ABTB3: variants seen among roughly 807,000 people sequenced by gnomAD.
ABTB3 encodes the protein ankyrin repeat and BTB domain containing 3.
the ABTB3 span, among the ~76,000 whole-genome samples, chr12:107,512,041 G>T: frequency 2.8e-4 from 43 of 152,234 alleles, no homozygotes; most frequent in South Asian, 4.2e-3. Flanking sequence ...AAGCCCAGAG[G>T]TTTTCGCTTA....
the ABTB3 span, among the ~76,000 whole-genome samples, chr12:107,597,601 TTCAA>T: frequency 1.3e-5 from 2 of 152,186 alleles, no homozygotes; most frequent in Non-Finnish European, 2.9e-5. Flanking sequence ...GCAATTAAAT[TTCAA>T]TTAGTTTTGG....
At chr12:107,487,847 T>C in the ABTB3 span, among the ~76,000 whole-genome samples, 8 of 152,042 alleles carry the variant, frequency 5.3e-5, no homozygotes, top group African/African-American at 1.7e-4. Flanking sequence ...TTGATCACCA[T>C]CAACTGAGTA....
At chr12:107,502,974 G>T in the ABTB3 span, among the ~76,000 whole-genome samples, 1 of 152,134 alleles carries the variant, frequency 6.6e-6, no homozygotes, top group Non-Finnish European at 1.5e-5. Flanking sequence ...GTACAGTAAG[G>T]CCAATGGATC....
chr12:107,640,726 C>A, the ABTB3 span, among the ~76,000 whole-genome samples: 1 of 152,220 alleles, frequency 6.6e-6, no homozygotes, highest in Non-Finnish European at 1.5e-5. Flanking sequence ...TTGAGACAGC[C>A]ACTCTCCAAA....
chr12:107,394,298 C>A, the ABTB3 span, among the ~76,000 whole-genome samples: 4 of 152,184 alleles, frequency 2.6e-5, no homozygotes, highest in African/African-American at 9.7e-5. Flanking sequence ...GAGAGAGTTC[C>A]TGAGTCAAAC....
the ABTB3 span, among the ~76,000 whole-genome samples, chr12:107,446,713 A>G: frequency 1.3e-5 from 2 of 152,132 alleles, no homozygotes; most frequent in Non-Finnish European, 2.9e-5. Context: ...GAAAAGAATC[A>G]TTACAGTGGA....
the ABTB3 span, among the ~76,000 whole-genome samples, chr12:107,652,716 C>T: frequency 6.6e-6 from 1 of 152,064 alleles, no homozygotes; most frequent in Non-Finnish European, 1.5e-5. Flanking sequence ...CCAGTCTTCA[C>T]TCCAGTTTTC....
the ABTB3 span, among the ~76,000 whole-genome samples, chr12:107,327,535 C>T: frequency 2.0e-5 from 3 of 152,228 alleles, no homozygotes; most frequent in Non-Finnish European, 4.4e-5. Context: ...CAGCCAGGAA[C>T]AGTTAGCAAA....
chr12:107,657,829 G>T, the ABTB3 span: 1 of 1,103,004 alleles, frequency 9.1e-7, no homozygotes, highest in Non-Finnish European at 1.3e-6. Flanking sequence ...CTGGGCCAAG[G>T]AGCTGCCTCT....
chr12:107,365,259 T>C, the ABTB3 span, among the ~76,000 whole-genome samples: 10 of 152,208 alleles, frequency 6.6e-5, no homozygotes, highest in Admixed American at 2.0e-4. Flanking sequence ...TGAGTGTTCA[T>C]GGATAGTAAT....
At chr12:107,412,835 C>T in the ABTB3 span, among the ~76,000 whole-genome samples, 1 of 152,042 alleles carries the variant, frequency 6.6e-6, no homozygotes. Flanking sequence ...CATTTGATAG[C>T]CCCCAAACTC....
the ABTB3 span, among the ~76,000 whole-genome samples, chr12:107,377,633 GTT>G: frequency 2.0e-5 from 3 of 152,126 alleles, no homozygotes; most frequent in Non-Finnish European, 2.9e-5. Context: ...GAGTTGTGAT[GTT>G]TTCTGGTTAG....
chr12:107,360,930 ATTTTTTTTT>A, the ABTB3 span, among the ~76,000 whole-genome samples: 1 of 84,436 alleles, frequency 1.2e-5, no homozygotes, highest in African/African-American at 5.1e-5. Context: ...ATTTAATTTA[ATTTTTTTTT>A]TTTTTTTTTT....
At chr12:107,618,055 TCCCAAGCTAGTGGTC>T in the ABTB3 span, 1 of 1,093,906 alleles carries the variant, frequency 9.1e-7, no homozygotes, top group Non-Finnish European at 1.3e-6. Flanking sequence ...TCATCACCCC[TCCCAAGCTAGTGGTC>T]CCCTGCTTCC....
the ABTB3 span, among the ~76,000 whole-genome samples, chr12:107,405,717 G>A: frequency 1.3e-5 from 2 of 152,222 alleles, no homozygotes; most frequent in Non-Finnish European, 2.9e-5. Context: ...ACAGACACAT[G>A]GCCTGGCATG....
chr12:107,331,926 C>T, the ABTB3 span, among the ~76,000 whole-genome samples: 94,381 of 152,132 alleles, frequency 0.62, 29,526 homozygotes, highest in East Asian at 0.84. Flanking sequence ...CCGCTGGCTG[C>T]TCTCGCTGAT....
the ABTB3 span, among the ~76,000 whole-genome samples, chr12:107,334,458 G>A: frequency 4.0e-4 from 61 of 152,294 alleles, no homozygotes; most frequent in Middle Eastern, 3.4e-3. Flanking sequence ...TTTGAACAAC[G>A]AGGAGGAGTT....
the ABTB3 span, among the ~76,000 whole-genome samples, chr12:107,519,311 T>C: frequency 6.7e-6 from 1 of 148,882 alleles, no homozygotes; most frequent in Non-Finnish European, 1.5e-5. Flanking sequence ...TTTTTTCTTT[T>C]CTTTTCTTTT....
chr12:107,428,640 T>A, the ABTB3 span, among the ~76,000 whole-genome samples: 1 of 152,212 alleles, frequency 6.6e-6, no homozygotes, highest in African/African-American at 2.4e-5. Context: ...AGCTCTCTGC[T>A]CTTTCTCTTG....
Sources: gnomAD v4.1 joint callset for allele counts (sites outside exome capture counted in the v4.1 genomes callset) on GRCh38, gnomAD v4.1.1 for gene constraint, MANE v1.5 for transcripts, NCBI Gene and HGNC (gene_info 2026-07-23, HGNC 2026-07-21) for gene names.